AGBL1: variants seen among roughly 807,000 people sequenced by gnomAD.
AGBL1 encodes the protein cytosolic carboxypeptidase 4.
A neutral mutation model predicts 118.9 loss-of-function variants in AGBL1; 130 were observed. The observed-to-expected ratio is 1.09, with a 90% CI of 0.95 to 1.26. The LOEUF (loss-of-function observed/expected upper bound fraction) is 1.26, where lower values mean the gene tolerates loss of function less well. Among genes scored for constraint, AGBL1 ranks in the 50% most tolerant of loss-of-function variants. AGBL1 has a pLI of 0.00. For missense variants in AGBL1, 1,584 were observed against 1,298.1 expected (o/e 1.22, Z -3.38); for synonymous variants, 555 against 478.9 (o/e 1.16, Z -2.08).
At position 86,828,914 on chromosome 15, in the gene AGBL1, G is replaced by GTGTA. The variant is rs1425127158; in HGVS notation, c.3159-78172_3159-78171insGTAT. Among the ~76,000 whole-genome samples, 37 of 141,864 alleles carry GTGTA rather than the reference G, an allele frequency of 2.6e-4. No homozygotes were observed. The Admixed American group carries it at 2.6e-3, about 10-fold the overall frequency. 93.1% of individuals were successfully genotyped at this position (141,864 alleles called of 152,430 possible). On this transcript the variant is annotated intron_variant, in intron 22 of 22. Transcript: ENST00000614907. The stretch of plus-strand genomic sequence containing the variant: ...ATTCATATGGTCATAAAGTTCAAAA[G>GTGTA]TATATATATATATATATATATATAT...
At chr15:86,984,871 C>A (rs534290808) in intron 23 of AGBL1, among the ~76,000 whole-genome samples, 1 of 152,254 alleles carries the variant, frequency 6.6e-6, no homozygotes, top group South Asian at 2.1e-4. Flanking sequence ...ACAATATATA[C>A]AAAATACTTC....
intron 17 of AGBL1, among the ~76,000 whole-genome samples, chr15:86,383,416 C>G (rs1455617923): frequency 6.6e-6 from 1 of 151,678 alleles, no homozygotes; most frequent in Non-Finnish European, 1.5e-5. Context: ...GGTGAAACCC[C>G]ACCTTTACTA....
chr15:86,487,671 G>A (rs371561860), intron 18 of AGBL1, among the ~76,000 whole-genome samples: 1 of 151,906 alleles, frequency 6.6e-6, no homozygotes, highest in African/African-American at 2.4e-5. Context: ...AATGCATTTA[G>A]TTTGCCCCTA....
intron 1 of AGBL1, among the ~76,000 whole-genome samples, chr15:86,101,552 G>T (rs567373672): frequency 1.8e-4 from 27 of 150,746 alleles, no homozygotes; most frequent in Admixed American, 7.9e-4. Context: ...TTGTGCTCTG[G>T]TGTTGAGTGC....
At chr15:86,423,971 A>C (rs1388458290) in intron 18 of AGBL1, among the ~76,000 whole-genome samples, 1 of 152,238 alleles carries the variant, frequency 6.6e-6, no homozygotes, top group African/African-American at 2.4e-5. Flanking sequence ...AGTAATTTAT[A>C]GATTGAATGC....
intron 6 of AGBL1, among the ~76,000 whole-genome samples, chr15:86,232,037 C>T (rs1020971761): frequency 6.6e-5 from 10 of 152,132 alleles, no homozygotes; most frequent in Admixed American, 5.2e-4. Flanking sequence ...AGCCTCAGGC[C>T]GGCCGATGAA....
chr15:86,602,929 A>G (rs2084518389), intron 21 of AGBL1, among the ~76,000 whole-genome samples: 1 of 152,158 alleles, frequency 6.6e-6, no homozygotes, highest in South Asian at 2.1e-4. Flanking sequence ...CATTCATAAT[A>G]GTGACACCTC....
At position 87,010,828 on chromosome 15, in the gene AGBL1, G is replaced by C. The variant is rs576939320; in HGVS notation, c.3324-17997G>C. On this transcript the variant is annotated intron_variant, in intron 24 of 24. Coordinates refer to the AGBL1 transcript ENST00000441037. ...TAAATCTCCTATCTGTCATCTATCT[G>C]TCTGCCTACATACTTACCTACCCAC... Among the ~76,000 whole-genome samples the C allele has an allele frequency of 3.9e-5, 6 of 152,186 alleles. No individual in the cohort carries two copies. In the South Asian group the frequency reaches 1.2e-3, roughly 32 times the overall value.
intron 1 of AGBL1, among the ~76,000 whole-genome samples, chr15:86,114,034 T>C: frequency 6.6e-6 from 1 of 152,322 alleles, no homozygotes; most frequent in African/African-American, 2.4e-5. Flanking sequence ...TGAAATAAAA[T>C]ATGTGAGTTA....
At chr15:86,326,185 T>G (rs979483698) in intron 17 of AGBL1, among the ~76,000 whole-genome samples, 1 of 152,184 alleles carries the variant, frequency 6.6e-6, no homozygotes, top group Admixed American at 6.5e-5. Flanking sequence ...GTGAGCTTTT[T>G]TTTTTCATTT....
chr15:86,629,311 G>A (rs1323338574), intron 21 of AGBL1, among the ~76,000 whole-genome samples: 1 of 152,078 alleles, frequency 6.6e-6, no homozygotes, highest in Non-Finnish European at 1.5e-5. Context: ...CAAGATGCAT[G>A]GCAAATTCAT....
At chr15:86,849,560 A>G (rs1367565881) in intron 22 of AGBL1, among the ~76,000 whole-genome samples, 1 of 150,280 alleles carries the variant, frequency 6.7e-6, no homozygotes, top group African/African-American at 2.4e-5. Flanking sequence ...TCACAAGGAA[A>G]ATATCAGAAT....
At chr15:86,317,385 A>G (rs2080029463) in intron 17 of AGBL1, among the ~76,000 whole-genome samples, 1 of 152,202 alleles carries the variant, frequency 6.6e-6, no homozygotes, top group Non-Finnish European at 1.5e-5. Context: ...AGAGCAAGGG[A>G]GAGATAAATA....
chr15:86,755,152 A>G (rs909445334), intron 22 of AGBL1, among the ~76,000 whole-genome samples: 2 of 152,116 alleles, frequency 1.3e-5, no homozygotes, highest in African/African-American at 4.8e-5. Context: ...TGCTCTATGG[A>G]AAAGACCAAA....
At position 86,265,913 on chromosome 15, in the gene AGBL1, G is replaced by A. The variant is rs574279350; in HGVS notation, c.1668-461G>A. 1.6e-4 allele frequency among the ~76,000 whole-genome samples: 24 copies of A among 152,174 alleles called. No homozygotes were observed. In the South Asian group the frequency reaches 3.5e-3, roughly 22 times the overall value. On this transcript the variant is annotated intron_variant, in intron 11 of 22. Coordinates refer to ENST00000614907, the MANE Select transcript of AGBL1 (RefSeq NM_001386094.1). ...CTTAGAAGATTGACCTTAGCCTACC[G>A]GAGCAGACAGAGCCCAAGGAATATA... is the stretch of plus-strand genomic sequence containing the variant.
At chr15:86,607,899 G>T (rs1454476683) in intron 21 of AGBL1, among the ~76,000 whole-genome samples, 5 of 152,244 alleles carry the variant, frequency 3.3e-5, no homozygotes, top group Admixed American at 3.3e-4. Context: ...GGCAGGCAGT[G>T]CATGGACATA....
chr15:86,319,566 T>A (rs2080070964), intron 17 of AGBL1, among the ~76,000 whole-genome samples: 2 of 152,046 alleles, frequency 1.3e-5, no homozygotes, highest in South Asian at 4.2e-4. Context: ...TAATACCAAT[T>A]CTGACGTAAA....
intron 16 of AGBL1, among the ~76,000 whole-genome samples, chr15:86,291,753 TTGTG>T (rs141060910): frequency 2.0e-5 from 3 of 151,972 alleles, no homozygotes; most frequent in African/African-American, 7.3e-5. Flanking sequence ...GTTGTGTAGG[TTGTG>T]TGTGTGTGCT....
chr15:86,820,972 C>G (rs981456759), intron 22 of AGBL1, among the ~76,000 whole-genome samples: 2 of 152,154 alleles, frequency 1.3e-5, no homozygotes, highest in African/African-American at 2.4e-5. Context: ...AAATGTGGCA[C>G]ATGTACACCG....
Sources: gnomAD v4.1 joint callset for allele counts (sites outside exome capture counted in the v4.1 genomes callset) on GRCh38, gnomAD v4.1.1 for gene constraint, MANE v1.5 for transcripts, NCBI Gene and HGNC (gene_info 2026-07-23, HGNC 2026-07-21) for gene names.